LRRN2: variants seen among roughly 807,000 people sequenced by gnomAD.
LRRN2 encodes the protein leucine-rich repeat neuronal protein 2.
A neutral mutation model predicts 35.7 loss-of-function variants in LRRN2; 10 were observed. That is an observed-to-expected ratio of 0.28 (90% CI 0.17 to 0.47). LRRN2 has a LOEUF of 0.47. Among genes scored for constraint, LRRN2 ranks in the 20% least tolerant of loss-of-function variants. The pLI, the probability that LRRN2 is intolerant of heterozygous loss-of-function variation, is 0.99. For missense variants in LRRN2, 731 were observed against 940.3 expected (o/e 0.78, Z 2.91); for synonymous variants, 391 against 409.6 (o/e 0.95, Z 0.55).
At chr1:204,678,039 C>T (rs1668863903) in intron 1 of LRRN2, among the ~76,000 whole-genome samples, 1 of 152,144 alleles carries the variant, frequency 6.6e-6, no homozygotes, top group South Asian at 2.1e-4. Context: ...ACTGCAGAGT[C>T]GAATCTACTC....
At chr1:204,628,569 G>A (rs1022034727) in intron 1 of LRRN2, 2 of 152,222 alleles carry the variant, frequency 1.3e-5, no homozygotes, top group African/African-American at 4.8e-5. Flanking sequence ...GGGGCGCTTC[G>A]AGACCATCTT....
intron 1 of LRRN2, among the ~76,000 whole-genome samples, chr1:204,684,030 C>A: frequency 1.3e-5 from 2 of 152,332 alleles, no homozygotes; most frequent in Middle Eastern, 6.8e-3. Flanking sequence ...ATGGGAGGAG[C>A]TCCTGGCCTT....
At chr1:204,681,369 CTATA>C (rs1357832267) in intron 1 of LRRN2, among the ~76,000 whole-genome samples, 4 of 152,270 alleles carry the variant, frequency 2.6e-5, no homozygotes, top group Admixed American at 2.6e-4. Context: ...ATAGCACTTA[CTATA>C]TATATACCAG....
At chr1:204,623,084 T>C (rs1024711568) in intron 1 of LRRN2, among the ~76,000 whole-genome samples, 1 of 152,020 alleles carries the variant, frequency 6.6e-6, no homozygotes, top group African/African-American at 2.4e-5. Flanking sequence ...GCCATGCTAG[T>C]TGGGGAGGCA....
At position 204,619,467 on chromosome 1, in the gene LRRN2, G is replaced by A; in HGVS notation, c.526C>T (p.Leu176Phe). The change falls in exon 2 of 2, where the codon CTC becomes TTC. Residue 176 changes from leucine (L) to phenylalanine (F), a missense_variant. Coordinates refer to ENST00000367177, the MANE Select transcript of LRRN2 (RefSeq NM_201630.2). Reference sequence around the variant, plus strand: ...CAGCGGCTGTCAATGGCCCTCAGGAGGTTGGAGTTGAGGTGCAGCCGCAGC... The same window carrying A: ...CAGCGGCTGTCAATGGCCCTCAGGAAGTTGGAGTTGAGGTGCAGCCGCAGC... Reference protein sequence around the residue: ...NLLRLHLNSNLLRAIDSRWFE... With the variant: ...NLLRLHLNSNFLRAIDSRWFE... 6.2e-7 allele frequency: 1 copy of A among 1,614,264 alleles called. No individual in the cohort carries two copies. Among genetic ancestry groups the A allele is most frequent in the African/African-American group, 1.3e-5 (1 of 75,078 alleles).
intron 1 of LRRN2, among the ~76,000 whole-genome samples, chr1:204,631,256 C>CAATCTAT (rs1282306008): frequency 2.7e-5 from 1 of 36,918 alleles, no homozygotes; most frequent in East Asian, 8.3e-4. Flanking sequence ...CTAGAGTGTT[C>CAATCTAT]TATATATATA....
At position 204,674,952 on chromosome 1, in the gene LRRN2, A is replaced by G. The variant is rs56675440; in HGVS notation, c.-227+10368T>C. Among the ~76,000 whole-genome samples, 342 of 152,324 alleles carry G rather than the reference A, an allele frequency of 2.2e-3. 1 individual carries two copies. The highest frequency in any genetic ancestry group is 7.3e-3 in the African/African-American group (303 of 41,568). ...ATGCACACGTTTGTTGAAAATGTAA[A>G]AATATACACATACAATTGTTGTAAC... On this transcript the variant is annotated intron_variant, in intron 1 of 1. Coordinates refer to ENST00000367177, the MANE Select transcript of LRRN2 (RefSeq NM_201630.2).
rs57390819 is a variant in LRRN2 at position 204,652,260 on chromosome 1, GC to G, written c.-226-32043del. ...TCCCCTTCGCCCTCTCCTCTTCACC[GC>G]CCCCCCCCCGCCCCCCCGCCGCCTT... On this transcript the variant is annotated intron_variant, in intron 1 of 1. Transcript: ENST00000367177. 5.0e-3 allele frequency among the ~76,000 whole-genome samples: 302 copies of G among 60,496 alleles called. 5 individuals carry two copies. The highest frequency in any genetic ancestry group is 0.026 in the African/African-American group (271 of 10,456). The allele number at this position is 60,496 out of a possible 152,430, so 39.7% of individuals were successfully genotyped here.
chr1:204,627,713 C>T (rs558943454), intron 1 of LRRN2, among the ~76,000 whole-genome samples: 17 of 152,358 alleles, frequency 1.1e-4, no homozygotes, highest in African/African-American at 3.1e-4. Flanking sequence ...ATCTCACTGC[C>T]GCTTGCTGCC....
intron 1 of LRRN2, among the ~76,000 whole-genome samples, chr1:204,643,868 G>C (rs896021629): frequency 6.6e-6 from 1 of 152,148 alleles, no homozygotes; most frequent in African/African-American, 2.4e-5. Flanking sequence ...TGAAAGACCT[G>C]AGTTCAAATC....
intron 1 of LRRN2, among the ~76,000 whole-genome samples, chr1:204,654,810 A>C (rs992865362): frequency 6.6e-6 from 1 of 152,180 alleles, no homozygotes; most frequent in Non-Finnish European, 1.5e-5. Flanking sequence ...CTCCACCCTC[A>C]ATAACATTAC....
At chr1:204,681,376 T>C (rs940017217) in intron 1 of LRRN2, among the ~76,000 whole-genome samples, 1 of 152,232 alleles carries the variant, frequency 6.6e-6, no homozygotes, top group African/African-American at 2.4e-5. Flanking sequence ...TTACTATATA[T>C]ATACCAGATA....
chr1:204,620,070 A>G lies in LRRN2; in HGVS notation c.-78T>C. The G allele has an allele frequency of 6.6e-7, 1 of 1,513,780 alleles. No homozygotes were observed. The highest frequency in any genetic ancestry group is 8.9e-7 in the Non-Finnish European group (1 of 1,128,102). The allele number at this position is 1,513,780 out of a possible 1,614,324, so 93.8% of individuals were successfully genotyped here. On this transcript the variant is annotated 5_prime_UTR_variant, in exon 2 of 2. An upstream open reading frame in the 5' UTR loses its in-frame stop. Transcript: ENST00000367177. ...CTTTGTGTTTTGCAGGGTAAGGGTCAGCAACCCTGCCAGGGCCCAAGGAAC... is the reference window on the plus strand; with the variant it reads ...CTTTGTGTTTTGCAGGGTAAGGGTCGGCAACCCTGCCAGGGCCCAAGGAAC...
chr1:204,631,262 ATATAT>A (rs559635837), intron 1 of LRRN2, among the ~76,000 whole-genome samples: 1,512 of 37,906 alleles, frequency 0.04, 252 homozygotes, highest in Non-Finnish European at 0.057. Flanking sequence ...TGTTCTATAT[ATATAT>A]ATATATATAT....
At chr1:204,639,517 G>A (rs1363422378) in intron 1 of LRRN2, among the ~76,000 whole-genome samples, 3 of 152,102 alleles carry the variant, frequency 2.0e-5, no homozygotes, top group African/African-American at 7.3e-5. Context: ...GTGCACACTT[G>A]TAGTCCAAGC....
At chr1:204,647,651 G>C (rs936380158) in intron 1 of LRRN2, among the ~76,000 whole-genome samples, 6 of 152,140 alleles carry the variant, frequency 3.9e-5, no homozygotes, top group Admixed American at 1.3e-4. Flanking sequence ...GAGAGCAGTA[G>C]GAAGTGAAAG....
intron 1 of LRRN2, among the ~76,000 whole-genome samples, chr1:204,680,958 C>CTT (rs377718032): frequency 7.0e-6 from 1 of 143,504 alleles, no homozygotes; most frequent in Non-Finnish European, 1.5e-5. Flanking sequence ...CAGAGAGTCA[C>CTT]TTTTTTTTTT....
At chr1:204,671,940 G>A (rs572220045) in intron 1 of LRRN2, among the ~76,000 whole-genome samples, 1 of 152,318 alleles carries the variant, frequency 6.6e-6, no homozygotes, top group South Asian at 2.1e-4. Context: ...TGTTGGGTCT[G>A]GGGTAGAAGA....
At chr1:204,654,820 C>T (rs1668313134) in intron 1 of LRRN2, among the ~76,000 whole-genome samples, 1 of 152,208 alleles carries the variant, frequency 6.6e-6, no homozygotes, top group Admixed American at 6.5e-5. Flanking sequence ...AATAACATTA[C>T]ATAGTAGGTT....
Sources: gnomAD v4.1 joint callset for allele counts (sites outside exome capture counted in the v4.1 genomes callset) on GRCh38, gnomAD v4.1.1 for gene constraint, MANE v1.5 for transcripts, NCBI Gene and HGNC (gene_info 2026-07-23, HGNC 2026-07-21) for gene names.